Variants in KIRREL3 observed in about 807,000 individuals in gnomAD.
The protein encoded by KIRREL3 is kin of IRRE-like protein 3.
Under a neutral mutation model 89.7 loss-of-function variants are expected in KIRREL3, and 36 were observed. The observed-to-expected ratio is 0.40, with a 90% CI of 0.31 to 0.53. The LOEUF (loss-of-function observed/expected upper bound fraction) is 0.53, where lower values mean the gene tolerates loss of function less well. Among genes scored for constraint, KIRREL3 ranks in the 20% least tolerant of loss-of-function variants. The pLI is 0.49. For missense variants in KIRREL3, 864 were observed against 1,056.6 expected (o/e 0.82, Z 2.53); for synonymous variants, 445 against 441.4 (o/e 1.01, Z -0.10).
intron 1 of KIRREL3, among the ~76,000 whole-genome samples, chr11:126,880,637 G>GTTT (rs34608539): frequency 8.4e-5 from 12 of 142,866 alleles, no homozygotes; most frequent in African/African-American, 1.6e-4. Flanking sequence ...AAAAGTTGTG[G>GTTT]TTTTTTTTTT....
chr11:126,601,816 C>A lies in KIRREL3; in HGVS notation c.56-38904G>T, dbSNP rs1284045621. On this transcript the variant is annotated intron_variant, in intron 1 of 16. Transcript: ENST00000525144. The surrounding 1 kb of genome is among the most constrained non-coding windows in gnomAD (Gnocchi z 5.8). ...CGTCCATTTCTAGGAGCTCCATTCC[C>A]TCGTGCCATCTCCCGTTTTTAAGGA... Among the ~76,000 whole-genome samples the A allele has an allele frequency of 6.6e-6, 1 of 152,200 alleles. No homozygotes were observed. Among genetic ancestry groups the A allele is most frequent in the Non-Finnish European group, 1.5e-5 (1 of 68,046 alleles).
Position 126,521,526 on chromosome 11 carries a change from G to C in KIRREL3, c.284-62C>G. ...GGGTGGAGGGGACACCCATGACAAA[G>C]AGGCACAGAATGGAGGACCCAAGCA... On this transcript the variant is annotated intron_variant, in intron 3 of 16. Coordinates refer to ENST00000525144, the MANE Select transcript of KIRREL3 (RefSeq NM_032531.4). The surrounding 1 kb of genome is among the most constrained non-coding windows in gnomAD (Gnocchi z 4.1). The C allele has an allele frequency of 6.8e-7, 1 of 1,471,114 alleles. No homozygotes were observed. The allele number at this position is 1,471,114 out of a possible 1,614,324, so 91.1% of individuals were successfully genotyped here.
chr11:126,725,322 G>A (rs1481928702), intron 1 of KIRREL3, among the ~76,000 whole-genome samples: 2 of 141,478 alleles, frequency 1.4e-5, no homozygotes, highest in East Asian at 4.4e-4. Flanking sequence ...CTGGCAGAGT[G>A]CGCTATCAGG....
At chr11:126,506,309 C>G (rs2186649) in intron 4 of KIRREL3, among the ~76,000 whole-genome samples, 56,303 of 151,900 alleles carry the variant, frequency 0.37, 11,374 homozygotes, top group African/African-American at 0.52. Context: ...ATTAAGTAAA[C>G]GAAAAGGCAA....
In KIRREL3 at chr11:126,791,430, G is replaced by C. The variant is rs1169611297; in HGVS notation, c.55+209025C>G. ...CTTCAGCTTGGCCTCAGCTTATGCG[G>C]AGTGAAAGCCCAGCCACTCCTGATG... is the stretch of plus-strand genomic sequence containing the variant. On this transcript the variant is annotated intron_variant, in intron 1 of 16. Coordinates refer to ENST00000525144, the MANE Select transcript of KIRREL3 (RefSeq NM_032531.4). The surrounding 1 kb of genome is among the most constrained non-coding windows in gnomAD (Gnocchi z 4.8). 6.6e-6 allele frequency among the ~76,000 whole-genome samples: 1 copy of C among 152,204 alleles called. No individual in the cohort carries two copies. Among genetic ancestry groups the C allele is most frequent in the Non-Finnish European group, 1.5e-5 (1 of 68,036 alleles).
chr11:126,593,136 G>A (rs770424187), intron 1 of KIRREL3, among the ~76,000 whole-genome samples: 5 of 152,192 alleles, frequency 3.3e-5, no homozygotes, highest in African/African-American at 7.2e-5. Context: ...TGCTTACCAC[G>A]GAACCAGGAT....
rs1201033454 is a variant in KIRREL3, at chr11:126,614,157, G to A, written c.56-51245C>T. On this transcript the variant is annotated intron_variant, in intron 1 of 16. Coordinates refer to ENST00000525144, the MANE Select transcript of KIRREL3 (RefSeq NM_032531.4). The surrounding 1 kb of genome is among the most constrained non-coding windows in gnomAD (Gnocchi z 4.6). The stretch of plus-strand genomic sequence containing the variant: ...TAGGGAAGATTTATAAAAGAGAAGG[G>A]GGATTAACATGTGCGCTTTAAGGGT... Among the ~76,000 whole-genome samples, 1 of 151,958 alleles carries A rather than the reference G, an allele frequency of 6.6e-6. No homozygotes were observed. The highest frequency in any genetic ancestry group is 1.9e-4 in the East Asian group (1 of 5,176).
intron 1 of KIRREL3, among the ~76,000 whole-genome samples, chr11:126,813,556 G>A (rs1293961122): frequency 6.6e-6 from 1 of 152,162 alleles, no homozygotes; most frequent in Non-Finnish European, 1.5e-5. Flanking sequence ...AAGAATTACT[G>A]AAGAATGAAT....
chr11:126,567,319 C>A (rs1035660885), intron 1 of KIRREL3, among the ~76,000 whole-genome samples: 1 of 152,204 alleles, frequency 6.6e-6, no homozygotes. Flanking sequence ...GCTGTAAAAA[C>A]TTGAAGACAG....
At position 126,653,385 on chromosome 11, in the gene KIRREL3, G is replaced by C. The variant is rs1282006225; in HGVS notation, c.56-90473C>G. On this transcript the variant is annotated intron_variant, in intron 1 of 16. Coordinates refer to ENST00000525144, the MANE Select transcript of KIRREL3 (RefSeq NM_032531.4). This position sits in a 1 kb window ranked among gnomAD's most constrained non-coding sequence, Gnocchi z 5.4. ...CCTGTGCTGCCTCAGTTTGTAAGTAGGCATTTGACCTTGTGGGGAATCACT... is the reference window on the plus strand; with the variant it reads ...CCTGTGCTGCCTCAGTTTGTAAGTACGCATTTGACCTTGTGGGGAATCACT... 1.1e-5 allele frequency among the ~76,000 whole-genome samples: 1 copy of C among 92,396 alleles called. No individual in the cohort carries two copies. Among genetic ancestry groups the C allele is most frequent in the Admixed American group, 1.1e-4 (1 of 8,992 alleles). The allele number at this position is 92,396 out of a possible 152,430, so 60.6% of individuals were successfully genotyped here. A position where few individuals can be genotyped will look rare whatever the true frequency, so the allele number is the denominator to read the frequency against.
At chr11:126,581,255 T>A (rs959773951) in intron 1 of KIRREL3, among the ~76,000 whole-genome samples, 4 of 152,130 alleles carry the variant, frequency 2.6e-5, no homozygotes, top group African/African-American at 9.7e-5. Context: ...CAGGCTGGAG[T>A]GCAGTGGTGC....
intron 1 of KIRREL3, among the ~76,000 whole-genome samples, chr11:126,920,792 C>A (rs1016850512): frequency 6.6e-6 from 1 of 152,206 alleles, no homozygotes; most frequent in Non-Finnish European, 1.5e-5. Flanking sequence ...TAACATCGTA[C>A]CTTCCTAGAA....
chr11:126,777,328 T>G (rs1950196654), intron 1 of KIRREL3, among the ~76,000 whole-genome samples: 1 of 152,114 alleles, frequency 6.6e-6, no homozygotes, highest in African/African-American at 2.4e-5. Context: ...TGCAAAGCAC[T>G]GGGCCTGGCA....
intron 1 of KIRREL3, among the ~76,000 whole-genome samples, chr11:126,815,433 C>T (rs1324095736): frequency 2.6e-5 from 4 of 152,128 alleles, no homozygotes; most frequent in African/African-American, 4.8e-5. Context: ...GAAGGATAGC[C>T]GCTATTTTGT....
chr11:126,436,758 G>C, intron 12 of KIRREL3, 53 bp downstream of exon 12: 1 of 1,599,282 alleles, frequency 6.3e-7, no homozygotes, highest in Non-Finnish European at 8.6e-7. Context: ...GGTGAGGAGA[G>C]GGCCCTCTGG....
At chr11:126,554,198 C>G (rs181832829) in intron 2 of KIRREL3, among the ~76,000 whole-genome samples, 5 of 152,312 alleles carry the variant, frequency 3.3e-5, no homozygotes, top group African/African-American at 1.2e-4. Context: ...GAATGTTTCT[C>G]TGACATCACC....
chr11:126,813,559 G>T (rs1951460592), intron 1 of KIRREL3, among the ~76,000 whole-genome samples: 1 of 152,262 alleles, frequency 6.6e-6, no homozygotes, highest in East Asian at 1.9e-4. Context: ...AATTACTGAA[G>T]AATGAATTCC....
intron 1 of KIRREL3, among the ~76,000 whole-genome samples, chr11:126,895,785 A>G (rs747568576): frequency 3.3e-5 from 5 of 152,010 alleles, no homozygotes; most frequent in Admixed American, 6.5e-5. Context: ...CTTCCCCTTT[A>G]CTGCTGTCCT....
At chr11:126,699,398 C>T (rs1947226360) in intron 1 of KIRREL3, among the ~76,000 whole-genome samples, 1 of 152,222 alleles carries the variant, frequency 6.6e-6, no homozygotes, top group African/African-American at 2.4e-5. Flanking sequence ...GAATACAACA[C>T]GTTTCCAATT....
Sources: allele counts gnomAD v4.1 joint callset (sites outside exome capture counted in the v4.1 genomes callset), GRCh38; gene constraint gnomAD v4.1.1; non-coding constraint Gnocchi (gnomAD v3.1); transcripts MANE v1.5; gene names NCBI Gene and HGNC (gene_info 2026-07-23, HGNC 2026-07-21).